COL6A1: variants seen among roughly 807,000 people sequenced by gnomAD.
The protein encoded by COL6A1 is collagen alpha-1(VI) chain.
In COL6A1, 80 loss-of-function variants were observed where a neutral mutation model predicts 145.6. That is an observed-to-expected ratio of 0.55 (90% CI 0.46 to 0.66). The LOEUF is 0.66. Ranked by LOEUF, COL6A1 falls within the 30% of genes least tolerant of loss-of-function variation. The pLI, the probability that COL6A1 is intolerant of heterozygous loss-of-function variation, is 0.00. For synonymous variants in COL6A1, 638 were observed against 622.8 expected (o/e 1.02, Z -0.36); for missense variants, 1,364 against 1,473.8 (o/e 0.93, Z 1.22).
chr21:46,002,431 C>A (rs1265011330), intron 32 of COL6A1, 30 bp downstream of exon 32: 3 of 1,611,564 alleles, frequency 1.9e-6, no homozygotes, highest in Admixed American at 1.7e-5. Flanking sequence ...GCTGCACCTG[C>A]CCCGCCTAGG....
Position 45,997,490 on chromosome 21 carries a change from C to G in COL6A1, c.1461+7C>G, listed in dbSNP as rs994516309. 6.3e-7 allele frequency: 1 copy of G among 1,597,314 alleles called. No homozygotes were observed. The highest frequency in any genetic ancestry group is 8.5e-7 in the Non-Finnish European group (1 of 1,175,026). On this transcript the variant is annotated splice_region_variant and intron_variant, in intron 21 of 34. Transcript: ENST00000361866. ...GGGTCCCCCAGGGTCCGAGGTGAGTCCCACTCCCCACCCACACCCGCCCAC... is the reference window on the plus strand; with the variant it reads ...GGGTCCCCCAGGGTCCGAGGTGAGTGCCACTCCCCACCCACACCCGCCCAC...
At chr21:45,992,121 G>A (rs767093986) in intron 16 of COL6A1, 43 bp from the exon 17 acceptor site, 2 of 1,613,540 alleles carry the variant, frequency 1.2e-6, no homozygotes, top group African/African-American at 1.3e-5. Context: ...GCCCAGGGAG[G>A]GTCAAGGAGA....
In COL6A1 at chr21:45,998,122, GA is replaced by G; in HGVS notation, c.1527del (p.Glu510LysfsTer27). 6.2e-7 allele frequency: 1 copy of G among 1,612,160 alleles called. No individual in the cohort carries two copies. The highest frequency in any genetic ancestry group is 8.5e-7 in the Non-Finnish European group (1 of 1,179,696). On this transcript the variant is annotated frameshift_variant and splice_region_variant, in exon 23 of 35. Transcript: ENST00000361866. LOFTEE classifies it high-confidence loss of function. ...GTGACGGCTACTCTGCTCCCCCAGG[GA>G]GAAGACGGCCCCGCTGGAAATGGCA... ...PGDPGLMGER[G>X]EDGPAGNGTE...
chr21:46,003,827 C>T lies in COL6A1; in HGVS notation c.2901C>T (p.Ile967=), dbSNP rs746750216. Residue 967 remains isoleucine, a synonymous_variant, in exon 35 of 35, where the codon ATC becomes ATT. Transcript: ENST00000361866. ...KAVQEAQRAG[I]EIFVVVVGRQ... is the part of the protein sequence containing the mutation. Reference sequence around the variant, plus strand: ...TGCAGGAAGCCCAGCGGGCAGGCATCGAGATCTTCGTGGTGGTCGTGGGCC... The same window carrying T: ...TGCAGGAAGCCCAGCGGGCAGGCATTGAGATCTTCGTGGTGGTCGTGGGCC... The T allele has an allele frequency of 8.7e-6, 14 of 1,604,548 alleles. No individual in the cohort carries two copies. Among genetic ancestry groups the T allele is most frequent in the Admixed American group, 1.7e-5 (1 of 59,784 alleles).
chr21:46,000,748 C>T lies in COL6A1; in HGVS notation c.1814-11C>T. 4 of 1,613,976 alleles carry T rather than the reference C, an allele frequency of 2.5e-6. No homozygotes were observed. Among genetic ancestry groups the T allele is most frequent in the South Asian group, 2.2e-5 (2 of 91,090 alleles). On this transcript the variant is annotated splice_polypyrimidine_tract_variant and intron_variant, in intron 28 of 34. Transcript: ENST00000361866. ...CTGACTGGTCTAACTGACTCTTTCT[C>T]TTCTCCTCAGCTTGCTGTGGTGAGA...
At chr21:45,986,112 A>G (rs572216786) in intron 3 of COL6A1, among the ~76,000 whole-genome samples, 1 of 152,270 alleles carries the variant, frequency 6.6e-6, no homozygotes, top group Non-Finnish European at 1.5e-5. Flanking sequence ...TTGTTTGCTC[A>G]TCACACCCAT....
At chr21:46,001,510 A>C in intron 30 of COL6A1, 124 bp downstream of exon 30, 3 of 1,308,582 alleles carry the variant, frequency 2.3e-6, no homozygotes, top group Non-Finnish European at 3.2e-6. Flanking sequence ...TTCCCTACTC[A>C]TGACAAGGAT....
In COL6A1 at chr21:45,998,885, C is replaced by A; in HGVS notation, c.1612-12C>A. ...AAACCCTTGTTAACCAAGTGCTCTC[C>A]CGTCACTGCAGGGCACGAAGGGCTA... On this transcript the variant is annotated splice_polypyrimidine_tract_variant and intron_variant, in intron 24 of 34. Transcript: ENST00000361866. 1 of 1,553,352 alleles carries A rather than the reference C, an allele frequency of 6.4e-7. No individual in the cohort carries two copies. The highest frequency in any genetic ancestry group is 2.4e-5 in the East Asian group (1 of 41,664).
intron 22 of COL6A1, 116 bp downstream of exon 22, chr21:45,997,878 G>A (rs943655360): frequency 9.8e-6 from 12 of 1,226,180 alleles, no homozygotes; most frequent in Admixed American, 7.0e-5. Context: ...GGGAGTGCCC[G>A]CAGCATCACT....
At position 46,002,623 on chromosome 21, in the gene COL6A1, C is replaced by G; in HGVS notation, c.2347C>G (p.Arg783Gly). 1.2e-6 allele frequency: 2 copies of G among 1,614,086 alleles called. No homozygotes were observed. Among genetic ancestry groups the G allele is most frequent in the Non-Finnish European group, 1.7e-6 (2 of 1,180,008 alleles). ...CCAAGGCCTGGCACCATCCCAGGGCCGGCCCGGCCTCTCGCTGGTCAAGGA... is the reference window on the plus strand; with the variant it reads ...CCAAGGCCTGGCACCATCCCAGGGCGGGCCCGGCCTCTCGCTGGTCAAGGA... ...SCQGLAPSQG[R>G]PGLSLVKENY... The change falls in exon 33 of 35, where the codon CGG (arginine) becomes GGG (glycine). Residue 783 changes from arginine (R) to glycine (G), a missense_variant. Arg to Gly is a moderately radical substitution (Grantham distance 125). Transcript: ENST00000361866.
At position 46,002,220 on chromosome 21, in the gene COL6A1, C is replaced by A. The variant is rs1569519106; in HGVS notation, c.2069C>A (p.Ala690Asp). 6.2e-7 allele frequency: 1 copy of A among 1,600,792 alleles called. No homozygotes were observed. Among genetic ancestry groups the A allele is most frequent in the Admixed American group, 1.7e-5 (1 of 58,646 alleles). The change falls in exon 32 of 35, where the codon GCC (alanine) becomes GAC (aspartate). Residue 690 changes from alanine to aspartate, a missense_variant and splice_region_variant. By Grantham distance (126) the Ala-to-Asp change is moderately radical (BLOSUM62 -2). This residue lies in a region of COL6A1 where 938 missense variants were observed against 1,003.8 expected (regional missense o/e 0.93). Coordinates refer to ENST00000361866, the MANE Select transcript of COL6A1 (RefSeq NM_001848.3). ...SIRNVQELKEAIKSLQWMAGG... is the reference protein window; with the variant it reads ...SIRNVQELKEDIKSLQWMAGG... ...CCTTCCTGCCCTTTGCTATGCAGAGCCATCAAGAGCCTGCAGTGGATGGCG... is the reference window on the plus strand; with the variant it reads ...CCTTCCTGCCCTTTGCTATGCAGAGACATCAAGAGCCTGCAGTGGATGGCG...
intron 3 of COL6A1, among the ~76,000 whole-genome samples, chr21:45,985,345 G>T (rs2123464273): frequency 6.6e-6 from 1 of 151,414 alleles, no homozygotes. Flanking sequence ...GAGAGACAAA[G>T]ACAGAGGCAG....
At chr21:45,987,117 G>A in intron 5 of COL6A1, 38 bp from the exon 6 acceptor site, 3 of 1,583,320 alleles carry the variant, frequency 1.9e-6, no homozygotes, top group Admixed American at 3.6e-5. Flanking sequence ...GGCGGCCGCA[G>A]GTGGAAAGTA....
At chr21:45,988,400 G>A (rs1243571927) in intron 8 of COL6A1, among the ~76,000 whole-genome samples, 1 of 77,990 alleles carries the variant, frequency 1.3e-5, no homozygotes, top group African/African-American at 5.1e-5. Flanking sequence ...GGACGGCGGG[G>A]TCCAGATGGA....
In COL6A1 at chr21:45,998,115, C is replaced by T. The variant is rs1291224849; in HGVS notation, c.1525-6C>T. 6.2e-7 allele frequency: 1 copy of T among 1,612,008 alleles called. No homozygotes were observed. Among genetic ancestry groups the T allele is most frequent in the Non-Finnish European group, 8.5e-7 (1 of 1,179,654 alleles). Reference sequence around the variant, plus strand: ...TCGCACGGTGACGGCTACTCTGCTCCCCCAGGGAGAAGACGGCCCCGCTGG... The same window carrying T: ...TCGCACGGTGACGGCTACTCTGCTCTCCCAGGGAGAAGACGGCCCCGCTGG... On this transcript the variant is annotated splice_polypyrimidine_tract_variant and splice_region_variant and intron_variant, in intron 22 of 34. Transcript: ENST00000361866.
rs2077774919 is a variant in COL6A1, at chr21:45,991,167, G to A, written c.1119+126G>A. On this transcript the variant is annotated intron_variant, in intron 15 of 34. Transcript: ENST00000361866. ...GCCACCCGTGCGGCCTCAGAGGGGA[G>A]GAGCTGGTGGAGGCTGGAGGCAGGC... is the stretch of plus-strand genomic sequence containing the variant. 4 of 1,025,892 alleles carry A rather than the reference G, an allele frequency of 3.9e-6. No homozygotes were observed. The East Asian group carries it at 7.6e-5, about 20-fold the overall frequency. The allele number at this position is 1,025,892 out of a possible 1,614,324, so 63.5% of individuals were successfully genotyped here. A position where few individuals can be genotyped will look rare whatever the true frequency, so the allele number is the denominator to read the frequency against.
chr21:45,984,381 A>C lies in COL6A1; in HGVS notation c.340A>C (p.Lys114Gln). 1.2e-6 allele frequency: 2 copies of C among 1,612,736 alleles called. No individual in the cohort carries two copies. Among genetic ancestry groups the C allele is most frequent in the Non-Finnish European group, 1.7e-6 (2 of 1,179,928 alleles). Residue 114 changes from lysine (K) to glutamine (Q), a missense_variant, in exon 3 of 35, where the codon AAA becomes CAA. Lys to Gln is a moderately conservative substitution (Grantham distance 53, BLOSUM62 1). Transcript: ENST00000361866. ...CATGCCTGGCGGCCGCGACGCACTC[A>C]AAAGCAGCGTGGACGCGGTCAAGTA... ...TRMPGGRDAL[K>Q]SSVDAVKYFG...
chr21:45,992,070 G>T lies in COL6A1; in HGVS notation c.1180G>T (p.Glu394Ter). The T allele has an allele frequency of 6.2e-7, 1 of 1,612,564 alleles. No homozygotes were observed. Among genetic ancestry groups the T allele is most frequent in the South Asian group, 1.1e-5 (1 of 90,944 alleles). ...AGGGAGCTCGGGACCATCTGGAGAC[G>T]AGGTGAGGAGCTTCACAGCCCCCAC... Reference protein sequence around the residue: ...RPGSSGPSGDEGQPGEPGPPG... With the variant: ...RPGSSGPSGD Residue 394 changes from glutamate (E) to a stop codon, truncating the protein, a stop_gained and splice_region_variant, in exon 16 of 35, where the codon GAG becomes TAG. Transcript: ENST00000361866. LOFTEE classifies it high-confidence loss of function.
chr21:45,997,688 C>T lies in COL6A1; in HGVS notation c.1462-12C>T, dbSNP rs929294611. 2.5e-6 allele frequency: 4 copies of T among 1,582,432 alleles called. No individual in the cohort carries two copies. Among genetic ancestry groups the T allele is most frequent in the Admixed American group, 3.6e-5 (2 of 55,816 alleles). On this transcript the variant is annotated splice_polypyrimidine_tract_variant and intron_variant, in intron 21 of 34. Coordinates refer to ENST00000361866, the MANE Select transcript of COL6A1 (RefSeq NM_001848.3). ...TAAGCCTGCTCCCCTCACGCCTCCT[C>T]TTCCTCCTCAGGGTGCCAGAGGAGC... is the stretch of plus-strand genomic sequence containing the variant.
Sources: allele counts gnomAD v4.1 joint callset (sites outside exome capture counted in the v4.1 genomes callset), GRCh38; gene constraint gnomAD v4.1.1; regional missense constraint gnomAD v4.1.1; transcripts MANE v1.5; gene names NCBI Gene and HGNC (gene_info 2026-07-23, HGNC 2026-07-21).